LTBP1: variants seen among roughly 807,000 people sequenced by gnomAD.
LTBP1 encodes latent-transforming growth factor beta-binding protein 1.
A neutral mutation model predicts 207.6 loss-of-function variants in LTBP1; 129 were observed. The observed-to-expected ratio is 0.62, with a 90% CI of 0.54 to 0.72. The LOEUF is 0.72. LTBP1 is among the 30% of genes least tolerant of loss of function. The pLI is 0.00. For missense variants in LTBP1, 2,281 were observed against 2,217.2 expected (o/e 1.03, Z -0.58); for synonymous variants, 963 against 833.7 (o/e 1.16, Z -2.67).
intron 31 of LTBP1, among the ~76,000 whole-genome samples, chr2:33,386,189 A>G (rs926155514): frequency 6.6e-6 from 1 of 152,222 alleles, no homozygotes. Flanking sequence ...ATTCTGCAAC[A>G]TAATTCCTAC....
intron 5 of LTBP1, among the ~76,000 whole-genome samples, chr2:33,171,704 G>A (rs945255852): frequency 5.4e-4 from 82 of 152,160 alleles, no homozygotes; most frequent in African/African-American, 2.0e-3. Context: ...ACACATAATT[G>A]TCAGATTCAC....
intron 3 of LTBP1, among the ~76,000 whole-genome samples, chr2:33,032,113 A>T (rs2075716182): frequency 6.6e-6 from 1 of 152,144 alleles, no homozygotes; most frequent in Non-Finnish European, 1.5e-5. Flanking sequence ...GTGTAGTCTA[A>T]TGTTGATCTC....
intron 24 of LTBP1, among the ~76,000 whole-genome samples, chr2:33,325,021 A>G (rs534582586): frequency 9.2e-5 from 14 of 152,146 alleles, no homozygotes; most frequent in South Asian, 2.1e-4. Flanking sequence ...TTTAAACCCC[A>G]TATTTATTTT....
chr2:33,229,206 A>G (rs1446826273), intron 9 of LTBP1, among the ~76,000 whole-genome samples: 1 of 152,230 alleles, frequency 6.6e-6, no homozygotes, highest in Non-Finnish European at 1.5e-5. Flanking sequence ...GTAATGGCTC[A>G]TGCCTGTATT....
intron 2 of LTBP1, among the ~76,000 whole-genome samples, chr2:33,003,489 C>T (rs766278574): frequency 4.6e-5 from 7 of 152,184 alleles, no homozygotes; most frequent in African/African-American, 7.2e-5. Context: ...CTGAAGGTTA[C>T]GCTTGTCACC....
At chr2:33,006,958 C>A (rs1250367631) in intron 2 of LTBP1, among the ~76,000 whole-genome samples, 1 of 152,176 alleles carries the variant, frequency 6.6e-6, no homozygotes, top group Non-Finnish European at 1.5e-5. Context: ...ACTGCTGCTC[C>A]CTTTTGGCAT....
intron 4 of LTBP1, among the ~76,000 whole-genome samples, chr2:33,112,736 A>G (rs1558652269): frequency 6.6e-6 from 1 of 152,198 alleles, no homozygotes; most frequent in Admixed American, 6.5e-5. Context: ...AAAGATGATT[A>G]AAACTGGAAA....
intron 3 of LTBP1, among the ~76,000 whole-genome samples, chr2:33,065,277 T>A (rs1205281525): frequency 6.6e-6 from 1 of 152,126 alleles, no homozygotes; most frequent in African/African-American, 2.4e-5. Flanking sequence ...CCACTTGAGG[T>A]GAGGCATGGT....
rs536902339 is a variant in LTBP1, at chr2:32,949,998, A to T, written c.565+1053A>T. ...ACAGTCTTCTGACTATTGAACTCAA[A>T]CCACTAGATCAGAAATGCTCAGGGT... On this transcript the variant is annotated intron_variant, in intron 2 of 33. Transcript: ENST00000404816. 5.9e-5 allele frequency among the ~76,000 whole-genome samples: 9 copies of T among 152,312 alleles called. No homozygotes were observed. The East Asian group carries it at 1.7e-3, about 29-fold the overall frequency.
At chr2:33,342,730 C>A in intron 24 of LTBP1, 108 bp from the exon 25 acceptor site, 1 of 1,002,584 alleles carries the variant, frequency 1.0e-6, no homozygotes, top group Non-Finnish European at 1.4e-6. Context: ...TTCATCTCAT[C>A]ATCACACACT....
intron 6 of LTBP1, 76 bp from the exon 7 acceptor site, chr2:33,188,501 A>T: frequency 1.7e-6 from 2 of 1,203,040 alleles, no homozygotes; most frequent in Non-Finnish European, 2.3e-6. Flanking sequence ...TATAAAATTT[A>T]CTTTCATGTT....
intron 2 of LTBP1, among the ~76,000 whole-genome samples, chr2:33,015,892 T>C (rs1192818168): frequency 6.6e-6 from 1 of 152,012 alleles, no homozygotes; most frequent in Non-Finnish European, 1.5e-5. Context: ...CAACCAGATC[T>C]CAGAATCACC....
At chr2:32,972,743 G>C (rs1681101989) in intron 2 of LTBP1, among the ~76,000 whole-genome samples, 2 of 152,154 alleles carry the variant, frequency 1.3e-5, no homozygotes, top group South Asian at 4.1e-4. Flanking sequence ...GGTTTTAAAA[G>C]TGGCAGTTTC....
Position 33,089,919 on chromosome 2 carries a change from A to G in LTBP1, c.864-20663A>G, listed in dbSNP as rs934238010. ...AGCCCTATTACTTGATAAAGTTACA[A>G]CAGCCACACAAGAATGGAACAACTT... On this transcript the variant is annotated intron_variant, in intron 3 of 33. Coordinates refer to ENST00000404816, the MANE Select transcript of LTBP1 (RefSeq NM_206943.4). Among the ~76,000 whole-genome samples the G allele has an allele frequency of 4.6e-5, 7 of 152,366 alleles. No homozygotes were observed. The East Asian group carries it at 1.2e-3, about 25-fold the overall frequency.
At chr2:33,248,731 C>T (rs184131161) in intron 10 of LTBP1, among the ~76,000 whole-genome samples, 7 of 152,080 alleles carry the variant, frequency 4.6e-5, no homozygotes, top group East Asian at 3.9e-4. Context: ...GGATTACAGG[C>T]GTGCGCCACC....
chr2:32,972,737 T>G (rs929351434), intron 2 of LTBP1, among the ~76,000 whole-genome samples: 23 of 152,160 alleles, frequency 1.5e-4, no homozygotes, highest in African/African-American at 5.3e-4. Flanking sequence ...TCTGATGGTT[T>G]TAAAAGTGGC....
chr2:33,108,284 G>T (rs1163424659), intron 3 of LTBP1, among the ~76,000 whole-genome samples: 1 of 151,934 alleles, frequency 6.6e-6, no homozygotes, highest in Non-Finnish European at 1.5e-5. Flanking sequence ...CCTCATGGGG[G>T]GAAGCGGGAG....
chr2:33,221,484 T>C (rs1050451725), intron 8 of LTBP1, among the ~76,000 whole-genome samples: 2 of 152,212 alleles, frequency 1.3e-5, no homozygotes, highest in African/African-American at 4.8e-5. Flanking sequence ...AACATTTGTA[T>C]TGTTTGCATA....
At chr2:32,996,817 C>G (rs1685354102) in intron 2 of LTBP1, among the ~76,000 whole-genome samples, 1 of 152,154 alleles carries the variant, frequency 6.6e-6, no homozygotes, top group Admixed American at 6.5e-5. Flanking sequence ...CCAGGCCAGT[C>G]TCGCGCAGTT....
Sources: allele counts gnomAD v4.1 joint callset (sites outside exome capture counted in the v4.1 genomes callset), GRCh38; gene constraint gnomAD v4.1.1; transcripts MANE v1.5; gene names NCBI Gene and HGNC (gene_info 2026-07-23, HGNC 2026-07-21).